Variants in MAST4 observed in about 807,000 individuals in gnomAD.
MAST4 encodes the protein microtubule-associated serine/threonine-protein kinase 4.
MAST4 carries 89 observed loss-of-function variants against 162.7 expected under a neutral mutation model. The observed-to-expected ratio is 0.55, with a 90% CI of 0.46 to 0.65. The LOEUF (loss-of-function observed/expected upper bound fraction) is 0.65. Ranked by LOEUF, MAST4 falls within the 30% of genes least tolerant of loss-of-function variation. The probability of loss-of-function intolerance (pLI) is 0.00; values close to 1 mark genes in which losing one functional copy is unlikely to be tolerated. For missense variants in MAST4, 3,153 were observed against 3,374.0 expected (o/e 0.93, Z 1.62); for synonymous variants, 1,479 against 1,361.1 (o/e 1.09, Z -1.91).
intron 1 of MAST4, among the ~76,000 whole-genome samples, chr5:66,677,083 AT>A (rs1747997903): frequency 6.6e-6 from 1 of 152,240 alleles, no homozygotes; most frequent in Non-Finnish European, 1.5e-5. Flanking sequence ...TCCTGCAACC[AT>A]TATTGCAACT....
intron 4 of MAST4, among the ~76,000 whole-genome samples, chr5:67,048,415 C>CAA (rs1216131290): frequency 1.3e-5 from 2 of 152,034 alleles, no homozygotes; most frequent in African/African-American, 2.4e-5. Flanking sequence ...ATCCAAAAGT[C>CAA]AAAAACATGA....
chr5:67,064,340 C>T (rs1391764711), intron 5 of MAST4, among the ~76,000 whole-genome samples: 1 of 152,176 alleles, frequency 6.6e-6, no homozygotes, highest in Non-Finnish European at 1.5e-5. Flanking sequence ...TCCATCTTAA[C>T]ATCAAGTCAG....
chr5:67,046,355 C>G (rs1212765103), intron 4 of MAST4, among the ~76,000 whole-genome samples: 2 of 152,050 alleles, frequency 1.3e-5, no homozygotes, highest in Non-Finnish European at 2.9e-5. Flanking sequence ...CTGTAAAATT[C>G]TACTGTTTAT....
At chr5:66,825,314 A>G (rs1047180257) in intron 3 of MAST4, among the ~76,000 whole-genome samples, 1 of 124,672 alleles carries the variant, frequency 8.0e-6, no homozygotes, top group African/African-American at 3.0e-5. Context: ...ACACACACAC[A>G]GGCCTAGTCC....
intron 4 of MAST4, among the ~76,000 whole-genome samples, chr5:66,982,712 G>A (rs970424253): frequency 2.6e-5 from 4 of 152,140 alleles, no homozygotes; most frequent in Non-Finnish European, 4.4e-5. Flanking sequence ...TTCTGGCGGC[G>A]GATATCAGCA....
chr5:66,701,016 A>G (rs910584475), intron 1 of MAST4, among the ~76,000 whole-genome samples: 2 of 151,960 alleles, frequency 1.3e-5, no homozygotes, highest in Admixed American at 1.3e-4. Flanking sequence ...TGCTATTTAC[A>G]TTTCCTAATA....
At chr5:67,007,757 G>A (rs949689470) in intron 4 of MAST4, among the ~76,000 whole-genome samples, 3 of 152,076 alleles carry the variant, frequency 2.0e-5, no homozygotes, top group African/African-American at 7.2e-5. Context: ...GCTACATTAC[G>A]TTTGCCTTAT....
At chr5:66,609,701 T>C (rs534597277) in intron 1 of MAST4, among the ~76,000 whole-genome samples, 1 of 110,696 alleles carries the variant, frequency 9.0e-6, no homozygotes, top group African/African-American at 5.0e-5. Context: ...GTTTTTTTTT[T>C]TTTGTTTTTT....
chr5:66,862,764 A>G (rs986490203), intron 3 of MAST4, among the ~76,000 whole-genome samples: 4 of 152,194 alleles, frequency 2.6e-5, no homozygotes, highest in Non-Finnish European at 4.4e-5. Flanking sequence ...GTCAAATTGA[A>G]CTAGCTTTCA....
intron 1 of MAST4, among the ~76,000 whole-genome samples, chr5:66,696,002 C>A (rs1244124551): frequency 6.6e-6 from 1 of 152,132 alleles, no homozygotes; most frequent in Non-Finnish European, 1.5e-5. Flanking sequence ...TACATGTACA[C>A]CATGGAATAC....
intron 16 of MAST4, 121 bp downstream of exon 16, chr5:67,132,072 G>C: frequency 8.6e-7 from 1 of 1,162,130 alleles, no homozygotes; most frequent in Admixed American, 2.4e-5. Context: ...TCCAAAATGA[G>C]TTGTTTTAAC....
intron 4 of MAST4, among the ~76,000 whole-genome samples, chr5:67,003,182 AT>A (rs1751484978): frequency 6.6e-6 from 1 of 152,020 alleles, no homozygotes; most frequent in African/African-American, 2.4e-5. Flanking sequence ...ATTAATATCT[AT>A]TGAAGTGTGT....
intron 1 of MAST4, among the ~76,000 whole-genome samples, chr5:66,698,102 T>C (rs186810497): frequency 6.6e-6 from 1 of 151,764 alleles, no homozygotes; most frequent in Non-Finnish European, 1.5e-5. Flanking sequence ...CTGGCTTCCC[T>C]CCTAACCCAC....
chr5:67,023,501 A>C (rs1754244240), intron 4 of MAST4, among the ~76,000 whole-genome samples: 1 of 152,164 alleles, frequency 6.6e-6, no homozygotes, highest in African/African-American at 2.4e-5. Context: ...CATTGCTTCA[A>C]GACCTTAAAG....
At chr5:66,902,399 A>T (rs1360939372) in intron 4 of MAST4, among the ~76,000 whole-genome samples, 1 of 152,224 alleles carries the variant, frequency 6.6e-6, no homozygotes, top group Non-Finnish European at 1.5e-5. Context: ...TTTTTGAAAA[A>T]TTTGAATATT....
intron 14 of MAST4, among the ~76,000 whole-genome samples, chr5:67,127,386 T>G (rs1016627133): frequency 6.6e-6 from 1 of 152,204 alleles, no homozygotes; most frequent in Admixed American, 6.5e-5. Context: ...TAAATAGCTC[T>G]TATTATTTTG....
intron 1 of MAST4, among the ~76,000 whole-genome samples, chr5:66,729,248 A>G (rs1751697985): frequency 6.6e-6 from 1 of 152,212 alleles, no homozygotes; most frequent in East Asian, 1.9e-4. Context: ...GCTTTTATTA[A>G]TGCTAGGCTT....
intron 2 of MAST4, among the ~76,000 whole-genome samples, chr5:66,777,658 G>C (rs1021759343): frequency 7.2e-5 from 11 of 152,160 alleles, no homozygotes; most frequent in Admixed American, 1.3e-4. Context: ...ATCTTAGAAA[G>C]GGTTGCACTG....
intron 14 of MAST4, among the ~76,000 whole-genome samples, chr5:67,125,705 A>G (rs1164987783): frequency 6.6e-6 from 1 of 152,194 alleles, no homozygotes; most frequent in Non-Finnish European, 1.5e-5. Flanking sequence ...CAGTGCCACA[A>G]TAAATATACG....
Sources: allele counts gnomAD v4.1 joint callset (sites outside exome capture counted in the v4.1 genomes callset), GRCh38; gene constraint gnomAD v4.1.1; transcripts MANE v1.5; gene names NCBI Gene and HGNC (gene_info 2026-07-23, HGNC 2026-07-21).